The following MPHOSPH9 variants were observed in gnomAD, a reference collection of about 807,000 sequenced individuals.
MPHOSPH9 encodes M-phase phosphoprotein 9.
MPHOSPH9 carries 88 observed loss-of-function variants against 145.5 expected under a neutral mutation model. The ratio of observed to expected loss-of-function variants is 0.60; its 90% confidence interval spans 0.51 to 0.72. The LOEUF is 0.72. MPHOSPH9 is among the 30% of genes least tolerant of loss of function. MPHOSPH9 has a pLI of 0.00. For synonymous variants in MPHOSPH9, 435 were observed against 486.2 expected, an observed-to-expected ratio of 0.89 and a Z score of 1.39; for missense variants, 1,238 against 1,386.6, an observed-to-expected ratio of 0.89 and a Z score of 1.70.
intron 6 of MPHOSPH9, among the ~76,000 whole-genome samples, chr12:123,217,569 CAATT>C (rs1397553960): frequency 6.6e-6 from 1 of 152,000 alleles, no homozygotes; most frequent in African/African-American, 2.4e-5. Flanking sequence ...TTATTTTAAA[CAATT>C]AAATGGATTA....
intron 5 of MPHOSPH9, among the ~76,000 whole-genome samples, chr12:123,220,565 C>A (rs954691602): frequency 1.3e-5 from 2 of 150,808 alleles, no homozygotes; most frequent in Non-Finnish European, 1.5e-5. Flanking sequence ...GACTCCATAT[C>A]AAAAAAAACA....
chr12:123,183,261 G>C (rs945822808), intron 13 of MPHOSPH9, among the ~76,000 whole-genome samples: 2 of 146,238 alleles, frequency 1.4e-5, no homozygotes, highest in African/African-American at 5.1e-5. Context: ...AAGAAACAAA[G>C]TGCTGGCCGG....
Position 123,215,075 on chromosome 12 carries a change from C to T in MPHOSPH9, c.997-241G>A, listed in dbSNP as rs7952851. Among the ~76,000 whole-genome samples the T allele has an allele frequency of 0.011, 1,747 of 152,250 alleles. 25 individuals carry two copies. Among genetic ancestry groups the T allele is most frequent in the African/African-American group, 0.039 (1,625 of 41,562 alleles). On this transcript the variant is annotated intron_variant, in intron 6 of 23. Coordinates refer to ENST00000606320, the MANE Select transcript of MPHOSPH9 (RefSeq NM_022782.4). ...TGGTCAAGATGATGAAACCCCGTCTCTACTAAAAATACAAAAATTAGCCGG... is the reference window on the plus strand; with the variant it reads ...TGGTCAAGATGATGAAACCCCGTCTTTACTAAAAATACAAAAATTAGCCGG...
At chr12:123,208,475 T>C (rs1167718715) in intron 8 of MPHOSPH9, among the ~76,000 whole-genome samples, 1 of 146,060 alleles carries the variant, frequency 6.8e-6, no homozygotes, top group Non-Finnish European at 1.5e-5. Flanking sequence ...AGGCAGAGGT[T>C]GCAGTGAGCC....
intron 13 of MPHOSPH9, among the ~76,000 whole-genome samples, chr12:123,192,244 A>G (rs1319082058): frequency 6.6e-6 from 1 of 152,062 alleles, no homozygotes. Context: ...GCTTGAGCCC[A>G]GGAGTTTGAG....
chr12:123,180,075 A>T, intron 14 of MPHOSPH9, 85 bp from the exon 15 acceptor site: 1 of 715,774 alleles, frequency 1.4e-6, no homozygotes, highest in Non-Finnish European at 2.2e-6. Context: ...AAATGAATCT[A>T]AGGCTAAACC....
At chr12:123,171,507 G>A (rs949143394) in intron 16 of MPHOSPH9, among the ~76,000 whole-genome samples, 2 of 150,894 alleles carry the variant, frequency 1.3e-5, no homozygotes, top group South Asian at 2.1e-4. Flanking sequence ...CCAGCACTTT[G>A]GGAGGCTGAG....
chr12:123,179,892 G>A (rs777895697), intron 15 of MPHOSPH9, 34 bp downstream of exon 15: 1 of 1,110,094 alleles, frequency 9.0e-7, no homozygotes, highest in Admixed American at 2.8e-5. Context: ...GAACAATTGA[G>A]GTATGTGTAC....
At position 123,183,547 on chromosome 12, in the gene MPHOSPH9, CAAAAAAAAAAA is replaced by C. The variant is rs746928699; in HGVS notation, c.2242-2348_2242-2338del. Among the ~76,000 whole-genome samples, 14 of 59,988 alleles carry C rather than the reference CAAAAAAAAAAA, an allele frequency of 2.3e-4. No individual in the cohort carries two copies. In the South Asian group the frequency reaches 7.9e-3, roughly 34 times the overall value. 39.4% of individuals were successfully genotyped at this position (59,988 alleles called of 152,430 possible). A position where few individuals can be genotyped will look rare whatever the true frequency, so the allele number is the denominator to read the frequency against. On this transcript the variant is annotated intron_variant, in intron 13 of 23. Transcript: ENST00000606320. Reference sequence around the variant, plus strand: ...AAGGTGACAGAGCAAGACTCTGTCTCAAAAAAAAAAAAAAAAAAAAAAAGAAAAAGGAAAAA... The same window carrying C: ...AAGGTGACAGAGCAAGACTCTGTCTCAAAAAAAAAAAAGAAAAAGGAAAAA...
At chr12:123,175,195 GGCTGGAGT>G (rs1043252353) in intron 16 of MPHOSPH9, among the ~76,000 whole-genome samples, 2 of 151,188 alleles carry the variant, frequency 1.3e-5, no homozygotes, top group African/African-American at 4.9e-5. Flanking sequence ...CTGTCTCCCA[GGCTGGAGT>G]GCAGTGGCGC....
In MPHOSPH9 at chr12:123,218,471, G is replaced by C. The variant is rs747652910; in HGVS notation, c.901C>G (p.Leu301Val). The change falls in exon 6 of 24, where the codon CTG becomes GTG. Residue 301 changes from leucine to valine, a missense_variant. Around this residue, in one of 3 missense-constraint regions of MPHOSPH9, gnomAD observed 837 missense variants for 897.5 expected, o/e 0.93. Transcript: ENST00000606320. ...GCTCTCTTTGGTTGGTTCTGCTTCAGTTTTTGTGCCCATGATGTTATAGCA... is the reference window on the plus strand; with the variant it reads ...GCTCTCTTTGGTTGGTTCTGCTTCACTTTTTGTGCCCATGATGTTATAGCA... Reference protein sequence around the residue: ...SNAITSWAQKLKQNQPKRAHV... With the variant: ...SNAITSWAQKVKQNQPKRAHV... 1 of 1,613,286 alleles carries C rather than the reference G, an allele frequency of 6.2e-7. No homozygotes were observed. Among genetic ancestry groups the C allele is most frequent in the Non-Finnish European group, 8.5e-7 (1 of 1,179,684 alleles).
chr12:123,190,239 G>A (rs990182092), intron 13 of MPHOSPH9, among the ~76,000 whole-genome samples: 4 of 150,648 alleles, frequency 2.7e-5, no homozygotes, highest in South Asian at 2.1e-4. Flanking sequence ...TGAAAGCTCC[G>A]CCTCCTGGGT....
intron 16 of MPHOSPH9, among the ~76,000 whole-genome samples, chr12:123,173,225 T>A (rs1445401499): frequency 6.6e-6 from 1 of 152,140 alleles, no homozygotes; most frequent in African/African-American, 2.4e-5. Context: ...TATCACTCTA[T>A]CCAGACTGTT....
rs1223257808 is a variant in MPHOSPH9, at chr12:123,193,130, C to T, written c.2241+1256G>A. 1.2e-4 allele frequency among the ~76,000 whole-genome samples: 17 copies of T among 143,998 alleles called. No homozygotes were observed. In the East Asian group the frequency reaches 2.6e-3, roughly 22 times the overall value. The allele number at this position is 143,998 out of a possible 152,430, so 94.5% of individuals were successfully genotyped here. A position where few individuals can be genotyped will look rare whatever the true frequency, so the allele number is the denominator to read the frequency against. ...ATATACACACACACACACACACACA[C>T]ACACACACACACACACACACGAACC... On this transcript the variant is annotated intron_variant, in intron 13 of 23. Transcript: ENST00000606320.
intron 13 of MPHOSPH9, among the ~76,000 whole-genome samples, chr12:123,181,905 T>A (rs1306501315): frequency 6.6e-6 from 1 of 152,108 alleles, no homozygotes; most frequent in Non-Finnish European, 1.5e-5. Flanking sequence ...ATCAATACCA[T>A]GTAAGTATTT....
At chr12:123,186,148 A>G (rs970083497) in intron 13 of MPHOSPH9, among the ~76,000 whole-genome samples, 1 of 145,622 alleles carries the variant, frequency 6.9e-6, no homozygotes, top group South Asian at 2.2e-4. Context: ...CATTGCTTGA[A>G]CCCGGGAGGC....
At chr12:123,176,650 T>C in intron 16 of MPHOSPH9, 38 bp downstream of exon 16, 1 of 1,463,152 alleles carries the variant, frequency 6.8e-7, no homozygotes, top group Non-Finnish European at 9.5e-7. Context: ...AGCATGCACC[T>C]ATTTCTAGCT....
chr12:123,188,508 A>C (rs1174498779), intron 13 of MPHOSPH9, among the ~76,000 whole-genome samples: 1 of 152,108 alleles, frequency 6.6e-6, no homozygotes, highest in Non-Finnish European at 1.5e-5. Flanking sequence ...GATGGTATCC[A>C]TTTTCCCTCC....
At chr12:123,199,224 C>T (rs746731415) in intron 11 of MPHOSPH9, among the ~76,000 whole-genome samples, 2 of 151,918 alleles carry the variant, frequency 1.3e-5, no homozygotes, top group East Asian at 3.9e-4. Flanking sequence ...TGGACTCATG[C>T]GATCCAATTT....
Sources: allele counts gnomAD v4.1 joint callset (sites outside exome capture counted in the v4.1 genomes callset), GRCh38; gene constraint gnomAD v4.1.1; regional missense constraint gnomAD v4.1.1; transcripts MANE v1.5; gene names NCBI Gene and HGNC (gene_info 2026-07-23, HGNC 2026-07-21).